The following GPR158 variants were observed in gnomAD, a reference collection of about 807,000 sequenced individuals.
The protein encoded by GPR158 is G protein-coupled receptor 158, also known as metabotropic glycine receptor.
A neutral mutation model predicts 78.2 loss-of-function variants in GPR158; 30 were observed. The observed-to-expected ratio is 0.38, with a 90% CI of 0.29 to 0.52. GPR158 has a LOEUF of 0.52. GPR158 is among the 20% of genes least tolerant of loss of function. The pLI is 0.83. For missense variants in GPR158, 1,463 were observed against 1,523.5 expected (o/e 0.96, Z 0.66); for synonymous variants, 581 against 591.1 (o/e 0.98, Z 0.25).
intron 5 of GPR158, among the ~76,000 whole-genome samples, chr10:25,512,561 C>G (rs1836099460): frequency 1.3e-5 from 2 of 152,020 alleles, no homozygotes; most frequent in African/African-American, 2.4e-5. Context: ...ACTTCCAGTA[C>G]TATGTTGAAT....
chr10:25,185,120 C>T (rs1397259113), intron 1 of GPR158, among the ~76,000 whole-genome samples: 1 of 152,186 alleles, frequency 6.6e-6, no homozygotes, highest in East Asian at 1.9e-4. Flanking sequence ...TGGGGCAAAA[C>T]TGCCTCTGGT....
rs773558763 is a variant in GPR158, at chr10:25,602,202, C to A, written c.*2928C>A. ...TGCAGCATGTAAATAATTATAACTT[C>A]TCTGCAATAAAACATATTTATATGA... is the stretch of plus-strand genomic sequence containing the variant. On this transcript the variant is annotated 3_prime_UTR_variant, in exon 11 of 11. Transcript: ENST00000376351. 8 of 152,516 alleles carry A rather than the reference C, an allele frequency of 5.2e-5. No homozygotes were observed. Among genetic ancestry groups the A allele is most frequent in the Non-Finnish European group, 1.0e-4 (7 of 68,030 alleles). The allele number at this position is 152,516 out of a possible 1,614,324, so 9.4% of individuals were successfully genotyped here.
intron 4 of GPR158, 28 bp from the exon 5 acceptor site, chr10:25,466,623 T>C (rs1351897339): frequency 2.7e-6 from 4 of 1,508,028 alleles, no homozygotes; most frequent in Non-Finnish European, 3.7e-6. Context: ...TGTAAGTTAG[T>C]AATGACGTTT....
chr10:25,600,521 T>C lies in GPR158; in HGVS notation c.*1247T>C, dbSNP rs1588932030. ...TTATGGTAGCATCAAGATCATTGTA[T>C]GGATATATTTTTATTATGTGTACTG... On this transcript the variant is annotated 3_prime_UTR_variant, in exon 11 of 11. Coordinates refer to ENST00000376351, the MANE Select transcript of GPR158 (RefSeq NM_020752.3). 6.6e-6 allele frequency: 1 copy of C among 152,314 alleles called. No homozygotes were observed. Among genetic ancestry groups the C allele is most frequent in the African/African-American group, 2.4e-5 (1 of 41,450 alleles). The allele number at this position is 152,314 out of a possible 1,614,324, so 9.4% of individuals were successfully genotyped here.
chr10:25,379,273 G>T (rs1290801213), intron 2 of GPR158, among the ~76,000 whole-genome samples: 1 of 148,844 alleles, frequency 6.7e-6, no homozygotes, highest in Non-Finnish European at 1.5e-5. Flanking sequence ...GAGATTGAAT[G>T]TCAGGCATCG....
chr10:25,453,373 C>G (rs538757272), intron 4 of GPR158, among the ~76,000 whole-genome samples: 3 of 152,130 alleles, frequency 2.0e-5, no homozygotes, highest in Non-Finnish European at 4.4e-5. Flanking sequence ...TCCTCCATAT[C>G]TTTTCTAATA....
intron 1 of GPR158, among the ~76,000 whole-genome samples, chr10:25,208,241 A>G (rs1052069627): frequency 1.3e-5 from 2 of 152,232 alleles, no homozygotes; most frequent in African/African-American, 4.8e-5. Context: ...TTGCATCTCT[A>G]GCAAACATAC....
intron 5 of GPR158, among the ~76,000 whole-genome samples, chr10:25,490,380 G>A (rs1166310477): frequency 2.8e-5 from 4 of 144,618 alleles, no homozygotes. Context: ...CCATGCTGGT[G>A]CGCTGCACCC....
intron 2 of GPR158, among the ~76,000 whole-genome samples, chr10:25,348,314 G>T (rs1760759): frequency 1.1e-4 from 16 of 150,456 alleles, no homozygotes; most frequent in Non-Finnish European, 1.9e-4. Context: ...AGACACAAAT[G>T]CATACAGACA....
chr10:25,272,261 ATAT>A (rs1337120244), intron 2 of GPR158, among the ~76,000 whole-genome samples: 1 of 152,194 alleles, frequency 6.6e-6, no homozygotes. Flanking sequence ...TTTTCAAAAA[ATAT>A]TATTTTTAGG....
chr10:25,551,032 T>C lies in GPR158; in HGVS notation c.1461T>C (p.Ala487=), dbSNP rs2130712467. The change falls in exon 6 of 11, where the codon GCT becomes GCC. Residue 487 remains alanine, a synonymous_variant. Transcript: ENST00000376351. ...TTCGCTGTATTCTCCTAAGATGGGC[T>C]CGTCTTCTCGGTTTTGCTACTGTTT... The part of the protein sequence containing the change: ...STFRCILLRW[A]RLLGFATVYG... The C allele has an allele frequency of 1.9e-6, 3 of 1,611,476 alleles. No individual in the cohort carries two copies. Among genetic ancestry groups the C allele is most frequent in the Non-Finnish European group, 1.7e-6 (2 of 1,177,686 alleles).
intron 2 of GPR158, among the ~76,000 whole-genome samples, chr10:25,386,510 G>T (rs1834224217): frequency 6.6e-6 from 1 of 152,124 alleles, no homozygotes; most frequent in Admixed American, 6.5e-5. Flanking sequence ...TCAATCTGTA[G>T]TTTTGCTTTG....
intron 2 of GPR158, among the ~76,000 whole-genome samples, chr10:25,274,090 A>G (rs1312554800): frequency 1.3e-5 from 2 of 151,998 alleles, no homozygotes; most frequent in Non-Finnish European, 2.9e-5. Context: ...CAATTGGGAT[A>G]TTTTTCTTTC....
intron 3 of GPR158, among the ~76,000 whole-genome samples, chr10:25,404,643 T>C (rs1564446050): frequency 1.3e-5 from 2 of 152,110 alleles, no homozygotes; most frequent in African/African-American, 2.4e-5. Context: ...TTGTATTTTA[T>C]GGCCCAGTAT....
intron 5 of GPR158, among the ~76,000 whole-genome samples, chr10:25,538,706 A>G (rs1428678800): frequency 2.0e-5 from 3 of 152,212 alleles, no homozygotes; most frequent in Non-Finnish European, 4.4e-5. Flanking sequence ...CTGCTATCAC[A>G]CTGTATATTT....
chr10:25,183,737 T>TA (rs998371749), intron 1 of GPR158, among the ~76,000 whole-genome samples: 67 of 152,220 alleles, frequency 4.4e-4, no homozygotes, highest in African/African-American at 1.5e-3. Context: ...AAAGGAATCT[T>TA]AGAGTTATGT....
At chr10:25,319,682 A>T (rs1235729014) in intron 2 of GPR158, among the ~76,000 whole-genome samples, 1 of 152,064 alleles carries the variant, frequency 6.6e-6, no homozygotes, top group Non-Finnish European at 1.5e-5. Flanking sequence ...TGGTTGAGAA[A>T]TTTTTTCTTC....
At chr10:25,388,667 G>A (rs571245874) in intron 2 of GPR158, among the ~76,000 whole-genome samples, 20 of 152,370 alleles carry the variant, frequency 1.3e-4, no homozygotes, top group African/African-American at 4.6e-4. Context: ...AGCTGGGTCT[G>A]GGGCAGTGCT....
intron 2 of GPR158, among the ~76,000 whole-genome samples, chr10:25,236,036 G>C (rs1173510115): frequency 2.0e-5 from 3 of 151,978 alleles, no homozygotes; most frequent in Non-Finnish European, 4.4e-5. Context: ...AACCTCCATA[G>C]CACTTTGTAT....
Sources: allele counts gnomAD v4.1 joint callset (sites outside exome capture counted in the v4.1 genomes callset), GRCh38; gene constraint gnomAD v4.1.1; transcripts MANE v1.5; gene names NCBI Gene and HGNC (gene_info 2026-07-23, HGNC 2026-07-21).